The following GABRG1 variants were observed in gnomAD, a reference collection of about 807,000 sequenced individuals.
GABRG1 encodes gamma-aminobutyric acid type A receptor subunit gamma1.
Under a neutral mutation model 49.8 loss-of-function variants are expected in GABRG1, and 49 were observed. The ratio of observed to expected loss-of-function variants is 0.98; its 90% CI spans 0.78 to 1.25. The LOEUF (loss-of-function observed/expected upper bound fraction) is 1.25. Among genes scored for constraint, GABRG1 ranks in the 50% most tolerant of loss-of-function variants. GABRG1 has a pLI of 0.00. For synonymous variants in GABRG1, 232 were observed against 185.1 expected, an observed-to-expected ratio of 1.25 and a Z score of -2.06; for missense variants, 552 against 552.3, an observed-to-expected ratio of 1.00 and a Z score of 0.01.
At chr4:46,109,822 C>T (rs1587284) in intron 1 of GABRG1, among the ~76,000 whole-genome samples, 14,601 of 150,996 alleles carry the variant, frequency 0.097, 1,763 homozygotes, top group African/African-American at 0.29. Context: ...TTGTATGGTT[C>T]CAAGAGATCT....
At chr4:46,064,559 A>C (rs753215254) in intron 4 of GABRG1, 36 bp from the exon 5 acceptor site, 1 of 1,088,118 alleles carries the variant, frequency 9.2e-7, no homozygotes, top group Non-Finnish European at 1.3e-6. Flanking sequence ...AAATAAAGAT[A>C]AATAATTTGA....
At chr4:46,107,794 G>C (rs979428455) in intron 1 of GABRG1, among the ~76,000 whole-genome samples, 2 of 150,902 alleles carry the variant, frequency 1.3e-5, no homozygotes, top group Non-Finnish European at 3.0e-5. Context: ...TCTACTCAAA[G>C]CTTTGACATT....
chr4:46,084,303 G>A (rs151111721), intron 2 of GABRG1, among the ~76,000 whole-genome samples: 190 of 151,698 alleles, frequency 1.3e-3, no homozygotes, highest in Admixed American at 2.0e-3. Context: ...TAGACTGAAA[G>A]TTTCTGTTAT....
chr4:46,074,390 C>T (rs1319542278), intron 3 of GABRG1, among the ~76,000 whole-genome samples: 1 of 152,052 alleles, frequency 6.6e-6, no homozygotes, highest in African/African-American at 2.4e-5. Context: ...AGTCCAGCTG[C>T]AGAAAATGAA....
intron 1 of GABRG1, among the ~76,000 whole-genome samples, chr4:46,123,300 A>G (rs1335791331): frequency 6.6e-6 from 1 of 152,234 alleles, no homozygotes; most frequent in East Asian, 1.9e-4. Context: ...TTTTAGCCAG[A>G]TTTACAATAT....
intron 4 of GABRG1, among the ~76,000 whole-genome samples, chr4:46,064,851 T>C (rs1007733353): frequency 6.6e-6 from 1 of 152,126 alleles, no homozygotes; most frequent in African/African-American, 2.4e-5. Flanking sequence ...AGATTATAAA[T>C]GGTTAAGTAT....
chr4:46,110,902 G>A (rs928919579), intron 1 of GABRG1, among the ~76,000 whole-genome samples: 1 of 151,134 alleles, frequency 6.6e-6, no homozygotes, highest in African/African-American at 2.4e-5. Context: ...AAACTAAATG[G>A]TCAAAAGGTG....
chr4:46,067,290 T>C (rs1718953413), intron 3 of GABRG1, among the ~76,000 whole-genome samples: 1 of 152,102 alleles, frequency 6.6e-6, no homozygotes, highest in African/African-American at 2.4e-5. Context: ...ATGAACAGTG[T>C]TACAATTCTG....
At chr4:46,044,193 C>T (rs1021235120) in intron 8 of GABRG1, among the ~76,000 whole-genome samples, 6 of 152,076 alleles carry the variant, frequency 3.9e-5, no homozygotes, top group Non-Finnish European at 2.9e-5. Flanking sequence ...CAGGAGAAGG[C>T]TGGGCACGTT....
At chr4:46,087,320 T>C (rs1412825660) in intron 2 of GABRG1, among the ~76,000 whole-genome samples, 2 of 151,726 alleles carry the variant, frequency 1.3e-5, no homozygotes, top group African/African-American at 2.4e-5. Flanking sequence ...GGCCAAGTAT[T>C]CACTGGTAGT....
At position 46,088,749 on chromosome 4, in the gene GABRG1, A is replaced by G. The variant is rs183908926; in HGVS notation, c.254-4696T>C. ...ATCCCACTATAAAATACACACACACACACACACACACACACACCCCATATA... is the reference window on the plus strand; with the variant it reads ...ATCCCACTATAAAATACACACACACGCACACACACACACACACCCCATATA... On this transcript the variant is annotated intron_variant, in intron 2 of 8. Transcript: ENST00000295452. Among the ~76,000 whole-genome samples the G allele has an allele frequency of 4.6e-3, 697 of 150,698 alleles. 1 individual carries two copies. Among genetic ancestry groups the G allele is most frequent in the Non-Finnish European group, 7.0e-3 (476 of 67,600 alleles).
At chr4:46,120,689 A>C (rs1721067958) in intron 1 of GABRG1, among the ~76,000 whole-genome samples, 1 of 151,762 alleles carries the variant, frequency 6.6e-6, no homozygotes, top group African/African-American at 2.4e-5. Flanking sequence ...AAAACATACT[A>C]CTGAAATTGC....
intron 2 of GABRG1, among the ~76,000 whole-genome samples, chr4:46,089,791 C>T (rs6853589): frequency 0.45 from 67,541 of 151,490 alleles, 15,471 homozygotes; most frequent in Non-Finnish European, 0.5. Context: ...GGTGAAACCC[C>T]GTCTCTACAA....
chr4:46,078,580 G>T (rs1719446038), intron 3 of GABRG1, among the ~76,000 whole-genome samples: 1 of 151,896 alleles, frequency 6.6e-6, no homozygotes, highest in African/African-American at 2.4e-5. Context: ...TGTGTTTCTT[G>T]CAATGGAATA....
In GABRG1 at chr4:46,035,879, A is replaced by G. The variant is rs1717499840; in HGVS notation, c.*5109T>C. On this transcript the variant is annotated 3_prime_UTR_variant, in exon 9 of 9. Coordinates refer to ENST00000295452, the MANE Select transcript of GABRG1 (RefSeq NM_173536.4). Reference sequence around the variant, plus strand: ...ATTGAGACACCTTTGCCACAAAATTACAAATGTTCCTCAAAACAATGAGGC... The same window carrying G: ...ATTGAGACACCTTTGCCACAAAATTGCAAATGTTCCTCAAAACAATGAGGC... 6.6e-6 allele frequency: 1 copy of G among 152,020 alleles called. No homozygotes were observed. The highest frequency in any genetic ancestry group is 2.4e-5 in the African/African-American group (1 of 41,446). 9.4% of individuals were successfully genotyped at this position (152,020 alleles called of 1,614,324 possible).
chr4:46,041,231 T>A lies in GABRG1; in HGVS notation c.1155A>T (p.Gly385=), dbSNP rs1249418353. The A allele has an allele frequency of 3.1e-6, 5 of 1,612,514 alleles. No individual in the cohort carries two copies. Among genetic ancestry groups the A allele is most frequent in the Non-Finnish European group, 4.2e-6 (5 of 1,179,058 alleles). ...TATTATTCATTGGAATCAGAGTGGATCCAGGATGGAGACCAGGAGTCATCT... is the reference window on the plus strand; with the variant it reads ...TATTATTCATTGGAATCAGAGTGGAACCAGGATGGAGACCAGGAGTCATCT... The part of the protein sequence containing the change: ...KASMTPGLHP[G]STLIPMNNIS... The change falls in exon 9 of 9, where the codon GGA becomes GGT. Residue 385 remains glycine, a synonymous_variant. Transcript: ENST00000295452.
intron 2 of GABRG1, among the ~76,000 whole-genome samples, chr4:46,091,287 A>T (rs1577659104): frequency 6.6e-6 from 1 of 152,148 alleles, no homozygotes; most frequent in East Asian, 1.9e-4. Flanking sequence ...TTCTTTACTC[A>T]ACCTGACTAT....
rs749929382 is a variant in GABRG1 at position 46,123,954 on chromosome 4, C to G, written c.-41G>C. Reference sequence around the variant, plus strand: ...ACGTGTGCTGCACTAGCTCAATTCTCCCAGCCAGGACTTTTCCTCCCACCT... The same window carrying G: ...ACGTGTGCTGCACTAGCTCAATTCTGCCAGCCAGGACTTTTCCTCCCACCT... On this transcript the variant is annotated 5_prime_UTR_variant, in exon 1 of 9. Coordinates refer to ENST00000295452, the MANE Select transcript of GABRG1 (RefSeq NM_173536.4). The G allele has an allele frequency of 6.0e-6, 9 of 1,488,586 alleles. No individual in the cohort carries two copies. Among genetic ancestry groups the G allele is most frequent in the Admixed American group, 5.1e-5 (3 of 58,940 alleles). The allele number at this position is 1,488,586 out of a possible 1,614,324, so 92.2% of individuals were successfully genotyped here. A position where few individuals can be genotyped will look rare whatever the true frequency, so the allele number is the denominator to read the frequency against.
At chr4:46,046,451 T>C (rs370373331) in intron 8 of GABRG1, among the ~76,000 whole-genome samples, 3 of 152,152 alleles carry the variant, frequency 2.0e-5, no homozygotes, top group Non-Finnish European at 2.9e-5. Context: ...GTAACCTTCT[T>C]GCTGTATTTC....
Sources: allele counts gnomAD v4.1 joint callset (sites outside exome capture counted in the v4.1 genomes callset), GRCh38; gene constraint gnomAD v4.1.1; transcripts MANE v1.5; gene names NCBI Gene and HGNC (gene_info 2026-07-23, HGNC 2026-07-21).